NDUFAF3: variants seen among roughly 807,000 people sequenced by gnomAD.
NDUFAF3 encodes the protein NADH dehydrogenase [ubiquinone] 1 alpha subcomplex assembly factor 3.
Under a neutral mutation model 22.6 loss-of-function variants are expected in NDUFAF3, and 21 were observed. The observed-to-expected ratio is 0.93, with a 90% CI of 0.66 to 1.34. The LOEUF (loss-of-function observed/expected upper bound fraction) is 1.34. Ranked by LOEUF, NDUFAF3 falls within the 40% of genes most tolerant of loss-of-function variation. The pLI, the probability that NDUFAF3 is intolerant of heterozygous loss-of-function variation, is 0.00. For synonymous variants in NDUFAF3, 113 were observed against 104.9 expected (o/e 1.08, Z -0.47); for missense variants, 251 against 248.4 (o/e 1.01, Z -0.07).
chr3:49,022,949 G>A lies in NDUFAF3; in HGVS notation c.411G>A (p.Arg137=). 2 of 1,614,106 alleles carry A rather than the reference G, an allele frequency of 1.2e-6. No individual in the cohort carries two copies. Among genetic ancestry groups the A allele is most frequent in the Non-Finnish European group, 8.5e-7 (1 of 1,180,026 alleles). Residue 137 remains arginine, a synonymous_variant, in exon 4 of 5, where the codon CGG becomes CGA. Coordinates refer to ENST00000326925, the MANE Select transcript of NDUFAF3 (RefSeq NM_199069.2). This position sits in a 1 kb window ranked among gnomAD's most constrained non-coding sequence, Gnocchi z 6.6. ...AGGTGCTTCAAGCCATGAGGCAGCG[G>A]GGCATTGCTGTGGAAGTGCAGGACA... ...QSQVLQAMRQ[R]GIAVEVQDTP...
upstream of NDUFAF3, chr3:49,021,471 C>G (rs560144652): frequency 6.5e-6 from 1 of 153,766 alleles, no homozygotes; most frequent in African/African-American, 2.4e-5. The surrounding 1 kb of genome is among the most constrained non-coding windows in gnomAD (Gnocchi z 4.1). Context: ...AACAGCCACC[C>G]AAACACTATC....
In NDUFAF3 at chr3:49,023,162, CT is replaced by C. The variant is rs761399610; in HGVS notation, c.546del (p.Ala183LeufsTer63). The C allele has an allele frequency of 6.2e-7, 1 of 1,613,506 alleles. No homozygotes were observed. ...ACTTCACTTACATCTTTGGGCCAAG[CT>C]GCTCAATGAACCGCCAGGAACTGAC... Reference protein sequence around the residue: ...GGTSLTSLGQAAQ With the variant: ...GGTSLTSLGQXAQ On this transcript the variant is annotated frameshift_variant, in exon 5 of 5. Coordinates refer to ENST00000326925, the MANE Select transcript of NDUFAF3 (RefSeq NM_199069.2). LOFTEE classifies it high-confidence loss of function.
At position 49,022,898 on chromosome 3, in the gene NDUFAF3, A is replaced by C. The variant is rs778848122; in HGVS notation, c.360A>C (p.Gly120=). The part of the protein sequence containing the change: ...PRIEIVVVGT[G]DRTERLQSQV... ...TAGAGATCGTGGTGGTGGGGACTGG[A>C]GACCGGACCGAGAGGCTGCAGTCCC... The change falls in exon 4 of 5, where the codon GGA becomes GGC. Residue 120 remains glycine (G), a synonymous_variant. Transcript: ENST00000326925. This position sits in a 1 kb window ranked among gnomAD's most constrained non-coding sequence, Gnocchi z 6.6. 4 of 1,614,000 alleles carry C rather than the reference A, an allele frequency of 2.5e-6. No homozygotes were observed. In the Admixed American group the frequency reaches 6.7e-5, roughly 27 times the overall value.
At chr3:49,020,721 C>G, upstream of NDUFAF3, 1 of 477,610 alleles carries the variant, frequency 2.1e-6, no homozygotes, top group Non-Finnish European at 4.3e-6. Flanking sequence ...TGGCGGGGGG[C>G]GGGGGAGCTC....
chr3:49,021,528 A>C (rs763113576), upstream of NDUFAF3: 1 of 155,554 alleles, frequency 6.4e-6, no homozygotes, highest in African/African-American at 2.4e-5. This position sits in a 1 kb window ranked among gnomAD's most constrained non-coding sequence, Gnocchi z 4.1. Context: ...ACTTGGAGCC[A>C]TTTTAAGGAG....
chr3:49,023,176 G>A lies in NDUFAF3; in HGVS notation c.*4G>A, dbSNP rs2093179480. On this transcript the variant is annotated 3_prime_UTR_variant, in exon 5 of 5. Coordinates refer to ENST00000326925, the MANE Select transcript of NDUFAF3 (RefSeq NM_199069.2). ...TTTGGGCCAAGCTGCTCAATGAACC[G>A]CCAGGAACTGACCTGCTGACTGCAC... 3.1e-6 allele frequency: 5 copies of A among 1,606,288 alleles called. No individual in the cohort carries two copies. The highest frequency in any genetic ancestry group is 2.2e-5 in the South Asian group (2 of 90,916).
upstream of NDUFAF3, chr3:49,021,952 A>G (rs2093161771): frequency 3.2e-6 from 2 of 627,702 alleles, no homozygotes; most frequent in Non-Finnish European, 5.6e-6. This position sits in a 1 kb window ranked among gnomAD's most constrained non-coding sequence, Gnocchi z 4.1. Context: ...AGGTGCTGAC[A>G]CTGGAGCTGC....
At position 49,022,609 on chromosome 3, in the gene NDUFAF3, A is replaced by C; in HGVS notation, c.270+71A>C. ...GCCCTCACCCTGCTTGGTCCCTGCA[A>C]ACTTGGCTTTCCTCTGTCTCCTCCT... On this transcript the variant is annotated intron_variant, in intron 2 of 4. Coordinates refer to ENST00000326925, the MANE Select transcript of NDUFAF3 (RefSeq NM_199069.2). The surrounding 1 kb of genome is among the most constrained non-coding windows in gnomAD (Gnocchi z 6.6). The C allele has an allele frequency of 6.2e-7, 1 of 1,613,250 alleles. No homozygotes were observed. Among genetic ancestry groups the C allele is most frequent in the Non-Finnish European group, 8.5e-7 (1 of 1,179,558 alleles).
chr3:49,020,534 CAACTGAGAGG>C, upstream of NDUFAF3: 1 of 441,842 alleles, frequency 2.3e-6, no homozygotes, highest in South Asian at 1.6e-5. Flanking sequence ...CCTGAGGGCG[CAACTGAGAGG>C]AACTGAGACC....
chr3:49,022,779 A>G lies in NDUFAF3; in HGVS notation c.337+11A>G, dbSNP rs752036647. The G allele has an allele frequency of 1.2e-6, 2 of 1,613,938 alleles. No individual in the cohort carries two copies. The highest frequency in any genetic ancestry group is 1.7e-6 in the Non-Finnish European group (2 of 1,180,002). On this transcript the variant is annotated intron_variant, in intron 3 of 4. Coordinates refer to ENST00000326925, the MANE Select transcript of NDUFAF3 (RefSeq NM_199069.2). This position sits in a 1 kb window ranked among gnomAD's most constrained non-coding sequence, Gnocchi z 6.6. ...TGGAGCCCCGGATAGGTACTGGGGA[A>G]GGGGAGGGAGAACAGAGGTGTTCTG...
rs2093177095 is a variant in NDUFAF3, at chr3:49,022,979, G to A, written c.438+3G>A. 2 of 1,614,094 alleles carry A rather than the reference G, an allele frequency of 1.2e-6. No individual in the cohort carries two copies. The highest frequency in any genetic ancestry group is 1.7e-6 in the Non-Finnish European group (2 of 1,180,006). On this transcript the variant is annotated splice_donor_region_variant and intron_variant, in intron 4 of 4. Coordinates refer to ENST00000326925, the MANE Select transcript of NDUFAF3 (RefSeq NM_199069.2). This position sits in a 1 kb window ranked among gnomAD's most constrained non-coding sequence, Gnocchi z 6.6. ...TTGCTGTGGAAGTGCAGGACACGGT[G>A]AGTCCCGGGACTGGGGCATGCTGCG...
chr3:49,020,755 G>A (rs758320245), upstream of NDUFAF3: 5 of 450,600 alleles, frequency 1.1e-5, no homozygotes, highest in South Asian at 8.0e-5. Flanking sequence ...ACTCGCCCTG[G>A]GGCCACATCA....
upstream of NDUFAF3, chr3:49,020,659 G>T: frequency 2.0e-6 from 1 of 493,168 alleles, no homozygotes; most frequent in East Asian, 6.1e-5. Context: ...CAGCTGGAAT[G>T]CTCTGGAGAC....
At position 49,023,312 on chromosome 3, in the gene NDUFAF3, C is replaced by T; in HGVS notation, c.*140C>T. 1.3e-6 allele frequency: 1 copy of T among 780,914 alleles called. No individual in the cohort carries two copies. The highest frequency in any genetic ancestry group is 2.3e-6 in the Non-Finnish European group (1 of 439,420). The allele number at this position is 780,914 out of a possible 1,614,324, so 48.4% of individuals were successfully genotyped here. ...CATTTTGTATCAGGTGTGTTGCTGG[C>T]CAGGAGCTGATGGCTCACTGGGCTC... On this transcript the variant is annotated 3_prime_UTR_variant, in exon 5 of 5. Coordinates refer to ENST00000326925, the MANE Select transcript of NDUFAF3 (RefSeq NM_199069.2).
upstream of NDUFAF3, chr3:49,021,922 C>T (rs1353939876): frequency 3.4e-6 from 2 of 594,626 alleles, no homozygotes; most frequent in Non-Finnish European, 6.0e-6. The surrounding 1 kb of genome is among the most constrained non-coding windows in gnomAD (Gnocchi z 4.1). Flanking sequence ...TGGGCAAGGG[C>T]CCGGGGCGGG....
Position 49,022,153 on chromosome 3 carries a change from C to G in NDUFAF3, c.9C>G (p.Thr3=). 3 of 1,609,160 alleles carry G rather than the reference C, an allele frequency of 1.9e-6. No individual in the cohort carries two copies. Among genetic ancestry groups the G allele is most frequent in the Non-Finnish European group, 2.5e-6 (3 of 1,179,428 alleles). The change falls in exon 1 of 5, where the codon ACC becomes ACG. Residue 3 remains threonine, a synonymous_variant. Transcript: ENST00000326925. This position sits in a 1 kb window ranked among gnomAD's most constrained non-coding sequence, Gnocchi z 6.6. ...CCGCGCGTTGGTCAGCCATGGCCACCGCTCTCGCGCTACGTAGCTTGTACC... is the reference window on the plus strand; with the variant it reads ...CCGCGCGTTGGTCAGCCATGGCCACGGCTCTCGCGCTACGTAGCTTGTACC... MA[T]ALALRSLYRA...
Position 49,022,972 on chromosome 3 carries a change from A to G in NDUFAF3, c.434A>G (p.Asp145Gly). 1 of 1,614,036 alleles carries G rather than the reference A, an allele frequency of 6.2e-7. No individual in the cohort carries two copies. Among genetic ancestry groups the G allele is most frequent in the Non-Finnish European group, 8.5e-7 (1 of 1,179,992 alleles). Reference protein sequence around the residue: ...RQRGIAVEVQDTPNACATFNF... With the variant: ...RQRGIAVEVQGTPNACATFNF... ...CGGGGCATTGCTGTGGAAGTGCAGGACACGGTGAGTCCCGGGACTGGGGCA... is the reference window on the plus strand; with the variant it reads ...CGGGGCATTGCTGTGGAAGTGCAGGGCACGGTGAGTCCCGGGACTGGGGCA... Residue 145 changes from aspartate to glycine, a missense_variant, in exon 4 of 5, where the codon GAC (aspartate) becomes GGC (glycine). Asp to Gly is a moderately conservative substitution (Grantham distance 94, BLOSUM62 -1). Transcript: ENST00000326925. This position sits in a 1 kb window ranked among gnomAD's most constrained non-coding sequence, Gnocchi z 6.6.
chr3:49,023,226 A>G lies in NDUFAF3; in HGVS notation c.*54A>G. The G allele has an allele frequency of 2.4e-6, 3 of 1,264,770 alleles. No individual in the cohort carries two copies. Among genetic ancestry groups the G allele is most frequent in the Non-Finnish European group, 2.3e-6 (2 of 862,690 alleles). The allele number at this position is 1,264,770 out of a possible 1,614,324, so 78.3% of individuals were successfully genotyped here. ...CTCTGCCAGGCTTCCCAATGCTTTC[A>G]CTCTTATCTACCCTTTGGCACTTAT... is the stretch of plus-strand genomic sequence containing the variant. On this transcript the variant is annotated 3_prime_UTR_variant, in exon 5 of 5. Coordinates refer to ENST00000326925, the MANE Select transcript of NDUFAF3 (RefSeq NM_199069.2).
chr3:49,022,614 G>A lies in NDUFAF3; in HGVS notation c.270+76G>A. 1 of 1,613,340 alleles carries A rather than the reference G, an allele frequency of 6.2e-7. No homozygotes were observed. Among genetic ancestry groups the A allele is most frequent in the African/African-American group, 1.3e-5 (1 of 75,018 alleles). On this transcript the variant is annotated intron_variant, in intron 2 of 4. Coordinates refer to ENST00000326925, the MANE Select transcript of NDUFAF3 (RefSeq NM_199069.2). This position sits in a 1 kb window ranked among gnomAD's most constrained non-coding sequence, Gnocchi z 6.6. ...CACCCTGCTTGGTCCCTGCAAACTT[G>A]GCTTTCCTCTGTCTCCTCCTGCAGT...
Sources: allele counts gnomAD v4.1 joint callset, GRCh38; gene constraint gnomAD v4.1.1; non-coding constraint Gnocchi (gnomAD v3.1); transcripts MANE v1.5; gene names NCBI Gene and HGNC (gene_info 2026-07-23, HGNC 2026-07-21).